Variants in SPATA3 observed in about 807,000 individuals in gnomAD.
SPATA3 encodes spermatogenesis associated 3.
A neutral mutation model predicts 5.7 loss-of-function variants in SPATA3; 6 were observed. That is an observed-to-expected ratio of 1.06 (90% CI 0.58 to 2.09). SPATA3 has a LOEUF of 2.09. Ranked by LOEUF, SPATA3 falls within the 30% of genes most tolerant of loss-of-function variation. The pLI is 0.00. For missense variants in SPATA3, 155 were observed against 130.4 expected (o/e 1.19, Z -0.92); for synonymous variants, 44 against 48.4 (o/e 0.91, Z 0.37).
exon 5 of SPATA3, chr2:231,012,645 A>G (rs1692817939): frequency 6.6e-6 from 1 of 152,166 alleles, no homozygotes; most frequent in Non-Finnish European, 1.5e-5. Flanking sequence ...TGTACAGAAG[A>G]TTCCCAAGGC....
chr2:231,002,931 C>G (rs1692408288), downstream of SPATA3: 1 of 484,510 alleles, frequency 2.1e-6, no homozygotes, highest in Admixed American at 4.0e-5. Context: ...CCCTCCTGGC[C>G]TCAGGGTCAG....
At chr2:231,019,049 C>T (rs1305979517) in intron 6 of SPATA3, among the ~76,000 whole-genome samples, 3 of 147,402 alleles carry the variant, frequency 2.0e-5, no homozygotes, top group Non-Finnish European at 4.4e-5. Flanking sequence ...TCACTGCAAG[C>T]TCCGCCTCCC....
chr2:230,996,424 C>T (rs1203439119), intron 1 of SPATA3: 1 of 1,552,360 alleles, frequency 6.4e-7, no homozygotes, highest in South Asian at 1.2e-5. Flanking sequence ...GAAACCACCT[C>T]CCGGCAGCCA....
chr2:231,015,014 A>G (rs990441342), intron 6 of SPATA3, among the ~76,000 whole-genome samples: 1 of 151,866 alleles, frequency 6.6e-6, no homozygotes, highest in African/African-American at 2.4e-5. Context: ...GGGGAGCACC[A>G]GGAAATCCTA....
At chr2:231,005,295 TCACCAC>T (rs1692542387), downstream of SPATA3, among the ~76,000 whole-genome samples, 3 of 48,540 alleles carry the variant, frequency 6.2e-5, no homozygotes, top group Admixed American at 2.1e-4. Context: ...ATCATCACCA[TCACCAC>T]CACCATCACC....
chr2:231,018,144 C>T (rs1185042478), intron 6 of SPATA3, among the ~76,000 whole-genome samples: 4 of 152,062 alleles, frequency 2.6e-5, no homozygotes, highest in Admixed American at 6.5e-5. Context: ...AGGCTGGTCT[C>T]GAACTCCTGA....
At chr2:231,018,011 G>A (rs1209718838) in intron 6 of SPATA3, among the ~76,000 whole-genome samples, 4 of 151,576 alleles carry the variant, frequency 2.6e-5, no homozygotes, top group East Asian at 1.9e-4. Flanking sequence ...TGCAACCTCC[G>A]CCTCCCAGGT....
exon 6 of SPATA3, chr2:231,014,092 A>C (rs1357590836): frequency 6.6e-6 from 1 of 152,134 alleles, no homozygotes; most frequent in African/African-American, 2.4e-5. Context: ...CCTTCATCAC[A>C]AGATGTTTGT....
chr2:231,005,367 T>TCAC (rs1692559210), downstream of SPATA3, among the ~76,000 whole-genome samples: 3 of 46,036 alleles, frequency 6.5e-5, no homozygotes, highest in East Asian at 8.5e-4. Flanking sequence ...ACCACCACCA[T>TCAC]CATCACCACC....
chr2:231,001,034 T>C (rs1244419481), intron 2 of SPATA3, among the ~76,000 whole-genome samples: 1 of 152,180 alleles, frequency 6.6e-6, no homozygotes, highest in African/African-American at 2.4e-5. Flanking sequence ...CTCCACACAA[T>C]AGCAAGACGT....
At chr2:231,019,473 G>A (rs548543224) in intron 6 of SPATA3, among the ~76,000 whole-genome samples, 8,333 of 148,726 alleles carry the variant, frequency 0.056, 706 homozygotes, top group Middle Eastern at 0.15. Flanking sequence ...ACAGGCACCT[G>A]CCACCACGCC....
chr2:231,001,252 G>A (rs1348264607), intron 2 of SPATA3, among the ~76,000 whole-genome samples: 1 of 152,190 alleles, frequency 6.6e-6, no homozygotes, highest in East Asian at 1.9e-4. Flanking sequence ...GACTGGAGAT[G>A]TTCCCACGTT....
At chr2:231,016,327 G>A (rs1044594511) in intron 6 of SPATA3, among the ~76,000 whole-genome samples, 11 of 151,914 alleles carry the variant, frequency 7.2e-5, no homozygotes, top group African/African-American at 2.4e-4. Flanking sequence ...GCGGTGAAAA[G>A]CACGGGTCAT....
At chr2:231,008,333 C>T (rs1011285965), downstream of SPATA3, among the ~76,000 whole-genome samples, 1 of 152,134 alleles carries the variant, frequency 6.6e-6, no homozygotes, top group Non-Finnish European at 1.5e-5. Flanking sequence ...TGCACTGGAA[C>T]GGTGACAGCG....
chr2:231,007,300 C>T (rs763012059), downstream of SPATA3: 9 of 152,038 alleles, frequency 5.9e-5, no homozygotes, highest in Non-Finnish European at 1.3e-4. Context: ...GTTTCTTTAG[C>T]ATGTTTTACT....
chr2:231,014,632 C>T (rs1692881209), intron 6 of SPATA3, among the ~76,000 whole-genome samples: 1 of 152,086 alleles, frequency 6.6e-6, no homozygotes, highest in Admixed American at 6.5e-5. Flanking sequence ...GGGACAGCAA[C>T]CTGGTGGCAT....
downstream of SPATA3, among the ~76,000 whole-genome samples, chr2:231,005,439 TCACCAC>T (rs1223116726): frequency 1.6e-4 from 1 of 6,198 alleles, no homozygotes; most frequent in Non-Finnish European, 3.4e-4. Context: ...ACCACCACAA[TCACCAC>T]CATCACCACC....
chr2:231,000,057 C>T (rs1692285237), intron 1 of SPATA3, among the ~76,000 whole-genome samples: 1 of 152,206 alleles, frequency 6.6e-6, no homozygotes, highest in African/African-American at 2.4e-5. Context: ...TCAGCACCAC[C>T]TCCATCATCA....
downstream of SPATA3, chr2:231,007,376 T>C (rs1574669060): frequency 6.6e-6 from 1 of 152,338 alleles, no homozygotes; most frequent in East Asian, 1.9e-4. Context: ...CAGTGACCTT[T>C]TGGGCCACAG....
Sources: gnomAD v4.1 joint callset for allele counts (sites outside exome capture counted in the v4.1 genomes callset) on GRCh38, gnomAD v4.1.1 for gene constraint, MANE v1.5 for transcripts, NCBI Gene and HGNC (gene_info 2026-07-23, HGNC 2026-07-21) for gene names.